Variants in GDAP1 observed in about 807,000 individuals in gnomAD.
GDAP1 encodes the protein ganglioside induced differentiation associated protein 1.
GDAP1 carries 34 observed loss-of-function variants against 40.1 expected under a neutral mutation model. The observed-to-expected ratio is 0.85, with a 90% CI of 0.64 to 1.13. The LOEUF (loss-of-function observed/expected upper bound fraction) is 1.13, where lower values mean the gene tolerates loss of function less well. GDAP1 is among the 50% of genes most tolerant of loss of function. The pLI, the probability that GDAP1 is intolerant of heterozygous loss-of-function variation, is 0.00. For synonymous variants in GDAP1, 170 were observed against 157.4 expected, an observed-to-expected ratio of 1.08 and a Z score of -0.60; for missense variants, 374 against 433.7, an observed-to-expected ratio of 0.86 and a Z score of 1.22.
At chr8:74,484,527 G>T (rs1472995206) in intron 2 of GDAP1, among the ~76,000 whole-genome samples, 1 of 152,166 alleles carries the variant, frequency 6.6e-6, no homozygotes, top group Admixed American at 6.5e-5. Flanking sequence ...GAAAGAAGGA[G>T]AAGATTTCTG....
intron 2 of GDAP1, among the ~76,000 whole-genome samples, chr8:74,411,913 T>C (rs1037331550): frequency 4.0e-5 from 6 of 149,732 alleles, no homozygotes; most frequent in Non-Finnish European, 8.8e-5. Context: ...TATGAGATTA[T>C]AACTTATGAG....
At chr8:74,357,595 T>G (rs1809161547) in intron 2 of GDAP1, among the ~76,000 whole-genome samples, 1 of 152,238 alleles carries the variant, frequency 6.6e-6, no homozygotes, top group African/African-American at 2.4e-5. Context: ...TGCCTAAATT[T>G]ATGTGTAATA....
intron 2 of GDAP1, among the ~76,000 whole-genome samples, chr8:74,355,143 GTGAATA>G (rs1809039038): frequency 6.6e-6 from 1 of 152,150 alleles, no homozygotes; most frequent in South Asian, 2.1e-4. Context: ...GCCTGAAATA[GTGAATA>G]TCTGTTGGAT....
At chr8:74,376,415 C>T (rs10094204) in intron 2 of GDAP1, among the ~76,000 whole-genome samples, 104,728 of 149,440 alleles carry the variant, frequency 0.7, 36,767 homozygotes, top group South Asian at 0.77. Context: ...GTGGCGCGAT[C>T]TTGGCTGACT....
At chr8:74,422,274 TTTC>T (rs761433320) in intron 2 of GDAP1, among the ~76,000 whole-genome samples, 3 of 149,916 alleles carry the variant, frequency 2.0e-5, no homozygotes, top group Non-Finnish European at 3.0e-5. Context: ...TTTCTTTTCT[TTTC>T]TTTTTTCTTT....
chr8:74,397,098 G>T (rs556915143), intron 2 of GDAP1, among the ~76,000 whole-genome samples: 2 of 152,168 alleles, frequency 1.3e-5, no homozygotes, highest in East Asian at 3.9e-4. Context: ...GCATTTCTCT[G>T]ATGGCCAGTG....
In GDAP1 at chr8:74,400,984, C is replaced by T. The variant is rs531415374; in HGVS notation, c.165+49663C>T. Among the ~76,000 whole-genome samples, 174 of 149,918 alleles carry T rather than the reference C, an allele frequency of 1.2e-3. 21 individuals are homozygous for T. Among genetic ancestry groups the T allele is most frequent in the African/African-American group, 4.2e-3 (166 of 39,236 alleles). ...GACCTTTCTCTCTTGCTGCCCTTAA[C>T]ATTTTTTCCTTCATTTCAACTTTGG... is the stretch of plus-strand genomic sequence containing the variant. On this transcript the variant is annotated intron_variant, in intron 2 of 2. Transcript: ENST00000523640.
chr8:74,369,627 G>A (rs952218969), downstream of GDAP1, among the ~76,000 whole-genome samples: 17 of 93,362 alleles, frequency 1.8e-4, no homozygotes, highest in Non-Finnish European at 2.1e-4. Context: ...TTGTGTGTGT[G>A]TGTGTGTGCA....
At chr8:74,379,297 G>A (rs997005590) in intron 2 of GDAP1, among the ~76,000 whole-genome samples, 9 of 152,084 alleles carry the variant, frequency 5.9e-5, no homozygotes, top group South Asian at 2.1e-4. Flanking sequence ...AAAGTGTCCC[G>A]CAACGCTGCA....
chr8:74,364,492 T>A lies in GDAP1; in HGVS notation c.*125T>A. The A allele has an allele frequency of 1.0e-6, 1 of 994,892 alleles. No individual in the cohort carries two copies. The highest frequency in any genetic ancestry group is 1.6e-6 in the Non-Finnish European group (1 of 636,188). 61.6% of individuals were successfully genotyped at this position (994,892 alleles called of 1,614,324 possible). ...ATTTTTTCCTAAAATTCAGAAGTCA[T>A]CTTTGTTACACAACACAGGGGTTCA... On this transcript the variant is annotated 3_prime_UTR_variant, in exon 6 of 6. Transcript: ENST00000220822.
chr8:74,482,835 C>T (rs1345347111), intron 2 of GDAP1, among the ~76,000 whole-genome samples: 1 of 152,140 alleles, frequency 6.6e-6, no homozygotes, highest in African/African-American at 2.4e-5. Flanking sequence ...TTAGTTTCTC[C>T]TTTCTACACT....
intron 2 of GDAP1, among the ~76,000 whole-genome samples, chr8:74,445,603 T>C (rs1401029516): frequency 6.6e-6 from 1 of 152,306 alleles, no homozygotes; most frequent in East Asian, 1.9e-4. Context: ...CAATCAGTTT[T>C]CCTTTAGATC....
chr8:74,387,762 GCTCCT>G (rs1810046608), intron 2 of GDAP1, among the ~76,000 whole-genome samples: 2 of 152,180 alleles, frequency 1.3e-5, no homozygotes, highest in Non-Finnish European at 1.5e-5. Context: ...AATGGTACCA[GCTCCT>G]CTTTTTACCC....
In GDAP1 at chr8:74,364,371, T is replaced by G. The variant is rs750114170; in HGVS notation, c.*4T>G. 7 of 1,612,376 alleles carry G rather than the reference T, an allele frequency of 4.3e-6. No individual in the cohort carries two copies. In the South Asian group the frequency reaches 7.7e-5, roughly 18 times the overall value. ...ACCCAGACCAAATTATTTCTAGGTT[T>G]GTTGGGATCTTGTCGTGGCAGCTCA... On this transcript the variant is annotated 3_prime_UTR_variant, in exon 6 of 6. Transcript: ENST00000220822.
chr8:74,472,099 A>T (rs1806564855), intron 2 of GDAP1, among the ~76,000 whole-genome samples: 2 of 151,118 alleles, frequency 1.3e-5, no homozygotes, highest in Admixed American at 1.3e-4. Flanking sequence ...CTCACACTCC[A>T]CTCTCCGATA....
At chr8:74,437,654 T>A (rs1455724708) in intron 2 of GDAP1, among the ~76,000 whole-genome samples, 2 of 152,196 alleles carry the variant, frequency 1.3e-5, no homozygotes, top group Non-Finnish European at 2.9e-5. Context: ...GTATCTTTTT[T>A]ATGTTTAAAA....
intron 2 of GDAP1, among the ~76,000 whole-genome samples, chr8:74,422,352 C>CTTTCTTT (rs1563465558): frequency 7.0e-4 from 24 of 34,224 alleles, no homozygotes; most frequent in East Asian, 3.4e-3. Flanking sequence ...TTTCTTTCTT[C>CTTTCTTT]CCTTCCTTCC....
intron 2 of GDAP1, among the ~76,000 whole-genome samples, chr8:74,389,642 G>A (rs535184998): frequency 2.2e-4 from 33 of 152,234 alleles, no homozygotes; most frequent in African/African-American, 7.7e-4. Flanking sequence ...TGAATCTGAT[G>A]ATTATGTGTC....
chr8:74,487,685 A>G (rs1321324096), intron 2 of GDAP1, among the ~76,000 whole-genome samples: 4 of 152,152 alleles, frequency 2.6e-5, no homozygotes. Flanking sequence ...ACAATTTTCT[A>G]GGAAATTCAA....
Sources: allele counts gnomAD v4.1 joint callset (sites outside exome capture counted in the v4.1 genomes callset), GRCh38; gene constraint gnomAD v4.1.1; transcripts MANE v1.5; gene names NCBI Gene and HGNC (gene_info 2026-07-23, HGNC 2026-07-21).